The following PRMT7 variants were observed in gnomAD, a reference collection of about 807,000 sequenced individuals.
The protein encoded by PRMT7 is protein arginine N-methyltransferase 7.
PRMT7 carries 75 observed loss-of-function variants against 85.4 expected under a neutral mutation model. The ratio of observed to expected loss-of-function variants is 0.88; its 90% CI spans 0.73 to 1.06. PRMT7 has a LOEUF of 1.06. Among genes scored for constraint, PRMT7 ranks in the 50% least tolerant of loss-of-function variants. PRMT7 has a pLI of 0.00. For missense variants in PRMT7, 868 were observed against 915.2 expected, an observed-to-expected ratio of 0.95 and a Z score of 0.67; for synonymous variants, 397 against 359.5, an observed-to-expected ratio of 1.10 and a Z score of -1.18.
At chr16:68,313,869 A>T (rs997803857) in intron 2 of PRMT7, among the ~76,000 whole-genome samples, 2 of 152,170 alleles carry the variant, frequency 1.3e-5, no homozygotes, top group African/African-American at 4.8e-5. Flanking sequence ...CAGGAGTTTA[A>T]GGCTGTAGAG....
intron 5 of PRMT7, among the ~76,000 whole-genome samples, 192 bp downstream of exon 5, chr16:68,325,024 G>C (rs1402308678): frequency 6.6e-6 from 1 of 152,242 alleles, no homozygotes; most frequent in Non-Finnish European, 1.5e-5. Flanking sequence ...TTTCTCCTCT[G>C]TCAGCCTAGG....
At chr16:68,322,240 C>G (rs1436788689) in intron 4 of PRMT7, 1 of 217,952 alleles carries the variant, frequency 4.6e-6, no homozygotes, top group African/African-American at 2.3e-5. Flanking sequence ...GACTGGGTCT[C>G]TGTTGCCCAG....
intron 3 of PRMT7, among the ~76,000 whole-genome samples, chr16:68,320,138 A>C (rs1280976230): frequency 6.6e-6 from 1 of 152,186 alleles, no homozygotes; most frequent in East Asian, 1.9e-4. Context: ...GGTTAGGTCA[A>C]GTATTAGGCA....
rs1198638005 is a variant in PRMT7, at chr16:68,319,897, G to A, written c.96-1529G>A. ...AGTTCTGGGTGCTCATCCCGACCCC[G>A]CCTGAGGGTTTTCAGTGTGTGAATT... On this transcript the variant is annotated intron_variant, in intron 3 of 18. Coordinates refer to ENST00000441236, the MANE Select transcript of PRMT7 (RefSeq NM_019023.5). 3.3e-5 allele frequency among the ~76,000 whole-genome samples: 5 copies of A among 152,106 alleles called. No homozygotes were observed. In the South Asian group the frequency reaches 8.3e-4, roughly 25 times the overall value.
intron 11 of PRMT7, among the ~76,000 whole-genome samples, chr16:68,346,993 G>T (rs578097228): frequency 1.2e-4 from 18 of 151,552 alleles, no homozygotes; most frequent in African/African-American, 3.4e-4. Context: ...CTCTAGGCTG[G>T]GTTGAGGGGT....
intron 17 of PRMT7, among the ~76,000 whole-genome samples, chr16:68,356,494 G>A (rs192859633): frequency 6.6e-6 from 1 of 152,244 alleles, no homozygotes; most frequent in African/African-American, 2.4e-5. Flanking sequence ...TGCAGGGCTC[G>A]GGTTGGCTCA....
downstream of PRMT7, chr16:68,359,485 C>T (rs532376500): frequency 1.3e-5 from 2 of 152,856 alleles, no homozygotes; most frequent in Admixed American, 6.5e-5. Context: ...TAGCGCCAGG[C>T]TCCCTGGGCT....
At chr16:68,328,511 C>CAA (rs55740206) in intron 5 of PRMT7, 102 of 55,140 alleles carry the variant, frequency 1.8e-3, no homozygotes, top group Non-Finnish European at 2.5e-3. Context: ...GTATGTATAG[C>CAA]AAAAAAAAAA....
At chr16:68,333,522 T>C (rs1597297287) in intron 6 of PRMT7, among the ~76,000 whole-genome samples, 1 of 151,782 alleles carries the variant, frequency 6.6e-6, no homozygotes, top group Middle Eastern at 3.4e-3. Flanking sequence ...TAGGTCTCGC[T>C]TTGTTTCACA....
At chr16:68,345,959 T>C (rs2086292999) in intron 10 of PRMT7, among the ~76,000 whole-genome samples, 157 bp downstream of exon 10, 2 of 152,198 alleles carry the variant, frequency 1.3e-5, no homozygotes, top group African/African-American at 4.8e-5. Context: ...TGCCCATTCG[T>C]GTGTACCCAG....
In PRMT7 at chr16:68,321,126, AG is replaced by A. The variant is rs540537667; in HGVS notation, c.96-298del. On this transcript the variant is annotated intron_variant, in intron 3 of 18. Transcript: ENST00000441236. Reference sequence around the variant, plus strand: ...TCTAATGTAAATACAAAAATTAGCCAGGCGTGGTGGTGAGCACCTGTAATCC... The same window carrying A: ...TCTAATGTAAATACAAAAATTAGCCAGCGTGGTGGTGAGCACCTGTAATCC... Among the ~76,000 whole-genome samples the A allele has an allele frequency of 5.3e-5, 8 of 152,090 alleles. No individual in the cohort carries two copies. In the South Asian group the frequency reaches 1.7e-3, roughly 32 times the overall value.
intron 9 of PRMT7, among the ~76,000 whole-genome samples, chr16:68,344,484 G>A (rs1457869898): frequency 1.3e-5 from 2 of 152,194 alleles, no homozygotes; most frequent in African/African-American, 4.8e-5. Flanking sequence ...CGTTTAAGAT[G>A]TCTGTCCGTA....
intron 5 of PRMT7, 72 bp downstream of exon 5, chr16:68,324,904 G>T (rs565866977): frequency 6.3e-7 from 1 of 1,578,604 alleles, no homozygotes. Flanking sequence ...CACTTTCCCC[G>T]TCTGTTCCTT....
intron 3 of PRMT7, among the ~76,000 whole-genome samples, chr16:68,320,802 C>CT (rs2082399647): frequency 6.6e-6 from 1 of 152,130 alleles, no homozygotes; most frequent in Admixed American, 6.5e-5. Flanking sequence ...GCTTGAAACT[C>CT]TATTAAAATA....
intron 14 of PRMT7, 31 bp downstream of exon 14, chr16:68,348,462 G>A (rs1005489846): frequency 6.5e-7 from 1 of 1,550,278 alleles, no homozygotes. Context: ...GGCCACGCTG[G>A]GCTGTGTTAG....
intron 3 of PRMT7, among the ~76,000 whole-genome samples, chr16:68,319,841 G>A (rs1412832095): frequency 6.6e-6 from 1 of 152,086 alleles, no homozygotes; most frequent in Admixed American, 6.6e-5. Context: ...CTGTCCCCTT[G>A]AATTCCCAGA....
chr16:68,355,990 G>A (rs1754958138), intron 17 of PRMT7, 107 bp downstream of exon 17: 2 of 1,219,150 alleles, frequency 1.6e-6, no homozygotes, highest in South Asian at 1.8e-5. Flanking sequence ...CACGTGGAGG[G>A]GGTATTCGTC....
intron 4 of PRMT7, among the ~76,000 whole-genome samples, chr16:68,323,189 C>T (rs552120263): frequency 2.0e-5 from 3 of 150,976 alleles, no homozygotes; most frequent in African/African-American, 4.9e-5. Flanking sequence ...TCAGAGGCAA[C>T]GTCATTTCTT....
Sources: allele counts gnomAD v4.1 joint callset (sites outside exome capture counted in the v4.1 genomes callset), GRCh38; gene constraint gnomAD v4.1.1; transcripts MANE v1.5; gene names NCBI Gene and HGNC (gene_info 2026-07-23, HGNC 2026-07-21).